The following SORCS2 variants were observed in gnomAD, a reference collection of about 807,000 sequenced individuals.
SORCS2 encodes the protein sortilin related VPS10 domain containing receptor 2, also known as VPS10 domain-containing receptor SorCS2.
Under a neutral mutation model 141.6 loss-of-function variants are expected in SORCS2, and 100 were observed. The ratio of observed to expected loss-of-function variants is 0.71; its 90% confidence interval spans 0.60 to 0.83. SORCS2 has a LOEUF of 0.83. Ranked by LOEUF, SORCS2 falls within the 40% of genes least tolerant of loss-of-function variation. The pLI, the probability that SORCS2 is intolerant of heterozygous loss-of-function variation, is 0.00. For missense variants in SORCS2, 1,646 were observed against 1,560.2 expected, an observed-to-expected ratio of 1.05 and a Z score of -0.93; for synonymous variants, 789 against 676.9, an observed-to-expected ratio of 1.17 and a Z score of -2.57.
intron 1 of SORCS2, among the ~76,000 whole-genome samples, chr4:7,231,570 C>G (rs2108776619): frequency 6.6e-6 from 1 of 152,282 alleles, no homozygotes; most frequent in African/African-American, 2.4e-5. Flanking sequence ...CTCATTTGTT[C>G]ATTCACTTAG....
chr4:7,398,657 C>G (rs909882969), intron 2 of SORCS2, among the ~76,000 whole-genome samples: 1 of 152,202 alleles, frequency 6.6e-6, no homozygotes, highest in Non-Finnish European at 1.5e-5. Context: ...GGTAGAGACA[C>G]AGAATGCAGT....
At chr4:7,523,089 C>G (rs147429318) in intron 2 of SORCS2, among the ~76,000 whole-genome samples, 2 of 141,614 alleles carry the variant, frequency 1.4e-5, no homozygotes, top group Admixed American at 7.1e-5. Flanking sequence ...CTTCCCATTT[C>G]CCTCCTCCCT....
At chr4:7,672,304 T>C (rs929517866) in intron 8 of SORCS2, among the ~76,000 whole-genome samples, 2 of 152,120 alleles carry the variant, frequency 1.3e-5, no homozygotes, top group African/African-American at 2.4e-5. Flanking sequence ...ACTTATTACA[T>C]ACAAGCAATA....
intron 1 of SORCS2, among the ~76,000 whole-genome samples, chr4:7,254,407 AC>A (rs1713708725): frequency 6.6e-6 from 1 of 152,188 alleles, no homozygotes; most frequent in Admixed American, 6.5e-5. Context: ...CTTAAGTGAA[AC>A]AAGCAAGGTA....
intron 2 of SORCS2, among the ~76,000 whole-genome samples, chr4:7,447,702 C>T (rs979897022): frequency 3.3e-5 from 5 of 152,108 alleles, no homozygotes; most frequent in African/African-American, 4.8e-5. Context: ...GGGACAGGCT[C>T]GGGGCAGGAC....
At chr4:7,269,953 C>T (rs1374581105) in intron 1 of SORCS2, among the ~76,000 whole-genome samples, 1 of 152,244 alleles carries the variant, frequency 6.6e-6, no homozygotes, top group African/African-American at 2.4e-5. Flanking sequence ...GATCTTGGCT[C>T]ACTGCAACCT....
chr4:7,361,871 G>A (rs369070401), intron 1 of SORCS2, among the ~76,000 whole-genome samples: 206 of 150,232 alleles, frequency 1.4e-3, no homozygotes, highest in African/African-American at 4.5e-3. Context: ...GTGTGGCCCC[G>A]GACAGGCACA....
rs191021957 is a variant in SORCS2, at chr4:7,689,564, G to A, written c.1567G>A (p.Ala523Thr). ...VSGTVHTKDT[A>T]PGLIMGAGNL... ...AGGCACCGTGCACACCAAGGACACC[G>A]CCCCAGGCCTCATCATGGGTGCAGG... Residue 523 changes from alanine to threonine, a missense_variant, in exon 11 of 27, where the codon GCC becomes ACC. Ala to Thr is a moderately conservative substitution (Grantham distance 58). Transcript: ENST00000507866. 273 of 1,601,904 alleles carry A rather than the reference G, an allele frequency of 1.7e-4. No individual in the cohort carries two copies. In the African/African-American group the frequency reaches 3.0e-3, roughly 18 times the overall value.
rs572573862 is a variant in SORCS2, at chr4:7,257,257, C to T, written c.480+64131C>T. Among the ~76,000 whole-genome samples, 10 of 151,542 alleles carry T rather than the reference C, an allele frequency of 6.6e-5. No homozygotes were observed. The East Asian group carries it at 1.2e-3, about 18-fold the overall frequency. On this transcript the variant is annotated intron_variant, in intron 1 of 26. Transcript: ENST00000507866. ...GACGGATCGGCGGTGAGGTGAGGCT[C>T]GTGTGCCTGGCGCCAGGAGTGCCCA...
chr4:7,252,300 T>C (rs999903862), intron 1 of SORCS2, among the ~76,000 whole-genome samples: 1 of 151,200 alleles, frequency 6.6e-6, no homozygotes, highest in African/African-American at 2.4e-5. Flanking sequence ...GAGGGGCCAG[T>C]GTGGCTGGGA....
In SORCS2 at chr4:7,648,169, G is replaced by A. The variant is rs1034870382; in HGVS notation, c.814-5965G>A. ...CCTGGTGGATGGTGGGAAGGAGGGA[G>A]GCCATTTACTGAGACCGCAGAGGAG... On this transcript the variant is annotated intron_variant, in intron 4 of 26. Transcript: ENST00000507866. This position sits in a 1 kb window ranked among gnomAD's most constrained non-coding sequence, Gnocchi z 4.2. Among the ~76,000 whole-genome samples the A allele has an allele frequency of 1.4e-5, 2 of 147,372 alleles. No individual in the cohort carries two copies. Among genetic ancestry groups the A allele is most frequent in the African/African-American group, 5.0e-5 (2 of 39,990 alleles).
In SORCS2 at chr4:7,405,052, C is replaced by T. The variant is rs144959943; in HGVS notation, c.548+8697C>T. On this transcript the variant is annotated intron_variant, in intron 2 of 26. Coordinates refer to ENST00000507866, the MANE Select transcript of SORCS2 (RefSeq NM_020777.3). Reference sequence around the variant, plus strand: ...TTGTATATGGTGAGAGATAGGGGTCCGTTTTCATTCTTCTGCATAGGACAA... The same window carrying T: ...TTGTATATGGTGAGAGATAGGGGTCTGTTTTCATTCTTCTGCATAGGACAA... Among the ~76,000 whole-genome samples, 108 of 152,188 alleles carry T rather than the reference C, an allele frequency of 7.1e-4. 1 individual carries two copies. The highest frequency in any genetic ancestry group is 5.4e-3 in the Admixed American group (83 of 15,278).
intron 1 of SORCS2, among the ~76,000 whole-genome samples, chr4:7,321,478 A>G (rs1305145293): frequency 1.3e-5 from 2 of 152,234 alleles, no homozygotes; most frequent in East Asian, 1.9e-4. Context: ...TACACCAACA[A>G]TGCCCAGGCT....
At chr4:7,267,378 C>T (rs530048616) in intron 1 of SORCS2, among the ~76,000 whole-genome samples, 1 of 152,328 alleles carries the variant, frequency 6.6e-6, no homozygotes, top group South Asian at 2.1e-4. Flanking sequence ...TAAGGACTTG[C>T]CGCAGCTCCG....
intron 1 of SORCS2, among the ~76,000 whole-genome samples, chr4:7,369,938 G>A (rs2109041546): frequency 6.6e-6 from 1 of 152,300 alleles, no homozygotes; most frequent in Non-Finnish European, 1.5e-5. Flanking sequence ...CTTCTGGAAG[G>A]CAGGAAATAG....
chr4:7,624,313 G>A (rs1207237885), intron 3 of SORCS2, among the ~76,000 whole-genome samples: 1 of 152,134 alleles, frequency 6.6e-6, no homozygotes, highest in Non-Finnish European at 1.5e-5. Context: ...GAATACAAAT[G>A]GTCCCTAAAT....
intron 2 of SORCS2, among the ~76,000 whole-genome samples, chr4:7,480,065 G>A (rs777013846): frequency 2.2e-4 from 34 of 151,844 alleles, no homozygotes; most frequent in Non-Finnish European, 4.4e-4. Flanking sequence ...TGACCTATGA[G>A]CTGAACTCCT....
chr4:7,672,789 C>G (rs1277783878), intron 8 of SORCS2, among the ~76,000 whole-genome samples: 1 of 152,174 alleles, frequency 6.6e-6, no homozygotes, highest in Non-Finnish European at 1.5e-5. Context: ...CTGCATTGCC[C>G]AGCTTTCTTT....
chr4:7,603,319 G>C (rs1577826122), intron 3 of SORCS2, among the ~76,000 whole-genome samples: 1 of 152,064 alleles, frequency 6.6e-6, no homozygotes, highest in Non-Finnish European at 1.5e-5. Flanking sequence ...TTCTGTAAAA[G>C]TTTCCTTTAA....
Sources: allele counts gnomAD v4.1 joint callset (sites outside exome capture counted in the v4.1 genomes callset), GRCh38; gene constraint gnomAD v4.1.1; non-coding constraint Gnocchi (gnomAD v3.1); transcripts MANE v1.5; gene names NCBI Gene and HGNC (gene_info 2026-07-23, HGNC 2026-07-21).